The following MALRD1 variants were observed in gnomAD, a reference collection of about 807,000 sequenced individuals.
MALRD1 encodes MAM and LDL receptor class A domain containing 1, also known as MAM and LDL-receptor class A domain-containing protein 1.
In MALRD1, 247 loss-of-function variants were observed where a neutral mutation model predicts 242.1. That is an observed-to-expected ratio of 1.02 (90% CI 0.92 to 1.13). The LOEUF is 1.13. Ranked by LOEUF, MALRD1 falls within the 50% of genes most tolerant of loss-of-function variation. MALRD1 has a pLI of 0.00. For synonymous variants in MALRD1, 995 were observed against 866.6 expected, an observed-to-expected ratio of 1.15 and a Z score of -2.60; for missense variants, 2,989 against 2,533.1, an observed-to-expected ratio of 1.18 and a Z score of -3.86.
intron 34 of MALRD1, among the ~76,000 whole-genome samples, chr10:19,604,183 A>G (rs778411553): frequency 1.1e-4 from 17 of 152,094 alleles, no homozygotes; most frequent in Non-Finnish European, 2.4e-4. Flanking sequence ...TTAAAACACT[A>G]CTCCAGTGAA....
intron 38 of MALRD1, chr10:19,711,287 A>T (rs1348289905): frequency 6.6e-6 from 1 of 152,180 alleles, no homozygotes; most frequent in Non-Finnish European, 1.5e-5. Flanking sequence ...GTTGATTTTC[A>T]TCTTTTCAAA....
At chr10:19,549,969 A>G (rs1835410169) in intron 32 of MALRD1, among the ~76,000 whole-genome samples, 1 of 152,210 alleles carries the variant, frequency 6.6e-6, no homozygotes, top group Admixed American at 6.6e-5. Flanking sequence ...GCCTCTCTAT[A>G]TCACAAATAA....
At chr10:19,719,187 T>C (rs1448066394) in intron 38 of MALRD1, among the ~76,000 whole-genome samples, 1,043 of 91,774 alleles carry the variant, frequency 0.011, 48 homozygotes, top group African/African-American at 0.059. Context: ...TATATATATA[T>C]ATACATACAT....
At chr10:19,357,164 G>A (rs1844676446) in intron 26 of MALRD1, among the ~76,000 whole-genome samples, 1 of 151,702 alleles carries the variant, frequency 6.6e-6, no homozygotes, top group Non-Finnish European at 1.5e-5. Context: ...AAATGTGAAA[G>A]CACAGGCACC....
At chr10:19,237,243 A>G (rs962591721) in intron 18 of MALRD1, among the ~76,000 whole-genome samples, 1 of 151,424 alleles carries the variant, frequency 6.6e-6, no homozygotes, top group African/African-American at 2.4e-5. Flanking sequence ...TTCTTCCTAT[A>G]TAATTGTGAT....
At chr10:19,400,289 T>A (rs1180538394) in intron 28 of MALRD1, among the ~76,000 whole-genome samples, 1 of 152,190 alleles carries the variant, frequency 6.6e-6, no homozygotes, top group Admixed American at 6.5e-5. Flanking sequence ...AAAGGTAGTT[T>A]ATAACTTCAT....
At chr10:19,598,008 A>G (rs1024476211) in intron 34 of MALRD1, among the ~76,000 whole-genome samples, 3 of 152,158 alleles carry the variant, frequency 2.0e-5, no homozygotes, top group Non-Finnish European at 2.9e-5. Flanking sequence ...AGAATCCTGG[A>G]GAGAGAAGCA....
At chr10:19,094,433 C>T (rs1032236490) in intron 4 of MALRD1, among the ~76,000 whole-genome samples, 3 of 147,608 alleles carry the variant, frequency 2.0e-5, no homozygotes, top group Non-Finnish European at 3.0e-5. Context: ...TGAGGCAATG[C>T]CTCGCCCTGC....
At chr10:19,243,211 G>A (rs10827135) in intron 18 of MALRD1, among the ~76,000 whole-genome samples, 3,883 of 148,908 alleles carry the variant, frequency 0.026, 145 homozygotes, top group East Asian at 0.17. Context: ...CTTCTCCCCC[G>A]CCACACACAC....
intron 32 of MALRD1, among the ~76,000 whole-genome samples, chr10:19,563,853 T>G (rs1253331284): frequency 6.6e-6 from 1 of 152,194 alleles, no homozygotes; most frequent in Admixed American, 6.5e-5. Flanking sequence ...AGGTGGGGCC[T>G]GGTGGGGTCT....
chr10:19,604,421 TCTAA>T (rs1400954982), intron 34 of MALRD1, among the ~76,000 whole-genome samples: 2 of 152,166 alleles, frequency 1.3e-5, no homozygotes, highest in Admixed American at 6.5e-5. Context: ...ATGGCAAAGT[TCTAA>T]CTATCTTTAA....
intron 34 of MALRD1, among the ~76,000 whole-genome samples, chr10:19,597,254 T>C (rs561751152): frequency 7.3e-4 from 111 of 152,322 alleles, no homozygotes; most frequent in Non-Finnish European, 1.5e-3. Flanking sequence ...CTAATGTAAT[T>C]TGGCTGATAG....
chr10:19,379,900 T>G (rs1029449432), intron 26 of MALRD1, among the ~76,000 whole-genome samples: 2 of 152,146 alleles, frequency 1.3e-5, no homozygotes, highest in African/African-American at 4.8e-5. Flanking sequence ...TTTTGGTTAT[T>G]TCTCCTTTTG....
intron 32 of MALRD1, among the ~76,000 whole-genome samples, chr10:19,553,956 G>T (rs371900233): frequency 2.5e-4 from 38 of 152,214 alleles, no homozygotes; most frequent in African/African-American, 8.9e-4. Flanking sequence ...GCAAATATTT[G>T]TTGAGCTCCT....
chr10:19,520,042 C>G (rs1833808769), intron 31 of MALRD1, among the ~76,000 whole-genome samples: 1 of 152,098 alleles, frequency 6.6e-6, no homozygotes, highest in African/African-American at 2.4e-5. Context: ...GTGTCAATCA[C>G]CGTGCACCTG....
chr10:19,197,188 G>C (rs985390094), intron 14 of MALRD1, among the ~76,000 whole-genome samples: 1 of 152,156 alleles, frequency 6.6e-6, no homozygotes. Flanking sequence ...CAGCATGGGG[G>C]AAATCACCCC....
chr10:19,193,199 G>T (rs1328343363), intron 14 of MALRD1, among the ~76,000 whole-genome samples: 1 of 152,190 alleles, frequency 6.6e-6, no homozygotes, highest in Admixed American at 6.5e-5. Flanking sequence ...ATAATTGTAA[G>T]AGGGAATGGG....
At chr10:19,519,453 T>G (rs1833782898) in intron 31 of MALRD1, among the ~76,000 whole-genome samples, 2 of 152,268 alleles carry the variant, frequency 1.3e-5, no homozygotes, top group African/African-American at 2.4e-5. Context: ...ATCTTTAGTA[T>G]CATCTTTTAA....
At chr10:19,321,466 T>C (rs1842912792) in intron 21 of MALRD1, among the ~76,000 whole-genome samples, 1 of 152,086 alleles carries the variant, frequency 6.6e-6, no homozygotes. Context: ...ATTAAATATA[T>C]ATTTTTAATT....
Sources: gnomAD v4.1 joint callset for allele counts (sites outside exome capture counted in the v4.1 genomes callset) on GRCh38, gnomAD v4.1.1 for gene constraint, MANE v1.5 for transcripts, NCBI Gene and HGNC (gene_info 2026-07-23, HGNC 2026-07-21) for gene names.